Variants in MTARC1 observed in about 807,000 individuals in gnomAD.
MTARC1 encodes mitochondrial amidoxime-reducing component 1.
Under a neutral mutation model 33.6 loss-of-function variants are expected in MTARC1, and 24 were observed. The ratio of observed to expected loss-of-function variants is 0.72; its 90% CI spans 0.52 to 1.01. The LOEUF is 1.01. Ranked by LOEUF, MTARC1 falls within the 50% of genes least tolerant of loss-of-function variation. MTARC1 has a pLI of 0.00. For missense variants in MTARC1, 417 were observed against 445.7 expected (o/e 0.94, Z 0.58); for synonymous variants, 187 against 189.5 (o/e 0.99, Z 0.11).
At position 220,803,520 on chromosome 1, in the gene MTARC1, C is replaced by G. The variant is rs564533892; in HGVS notation, c.754-1532C>G. 6.6e-5 allele frequency among the ~76,000 whole-genome samples: 10 copies of G among 152,254 alleles called. No individual in the cohort carries two copies. The South Asian group carries it at 2.1e-3, about 32-fold the overall frequency. On this transcript the variant is annotated intron_variant, in intron 4 of 6. Transcript: ENST00000366910. Reference sequence around the variant, plus strand: ...AAAAGCCTGGATTAAAAGCCCCCTCCCCTGGGAAGCCTGCTCTGATTGCTG... The same window carrying G: ...AAAAGCCTGGATTAAAAGCCCCCTCGCCTGGGAAGCCTGCTCTGATTGCTG...
At chr1:220,800,901 C>G (rs1011948633) in intron 4 of MTARC1, among the ~76,000 whole-genome samples, 2 of 152,132 alleles carry the variant, frequency 1.3e-5, no homozygotes, top group African/African-American at 4.8e-5. Context: ...GGCCTTCCCC[C>G]CCACTCCCCT....
intron 6 of MTARC1, among the ~76,000 whole-genome samples, chr1:220,808,597 C>T (rs1370765679): frequency 6.6e-6 from 1 of 152,218 alleles, no homozygotes; most frequent in Non-Finnish European, 1.5e-5. Flanking sequence ...CACTTTCTGC[C>T]TCTGGGCACT....
intron 2 of MTARC1, among the ~76,000 whole-genome samples, chr1:220,792,981 C>T (rs1425225870): frequency 1.3e-5 from 2 of 151,944 alleles, no homozygotes; most frequent in South Asian, 4.1e-4. Flanking sequence ...TGGCATAAAT[C>T]TTTGTTTATA....
In MTARC1 at chr1:220,813,318, G is replaced by T. The variant is rs182186499; in HGVS notation, c.914G>T (p.Arg305Leu). The T allele has an allele frequency of 1.2e-6, 2 of 1,613,970 alleles. No individual in the cohort carries two copies. Among genetic ancestry groups the T allele is most frequent in the Admixed American group, 3.3e-5 (2 of 59,992 alleles). Residue 305 changes from arginine to leucine, a missense_variant, in exon 7 of 7, where the codon CGA (arginine) becomes CTA (leucine). Arg to Leu is a moderately radical substitution (Grantham distance 102, BLOSUM62 -2). Transcript: ENST00000366910. Reference protein sequence around the residue: ...KSYRQCDPSERKLYGKSPLFG... With the variant: ...KSYRQCDPSELKLYGKSPLFG... Reference sequence around the variant, plus strand: ...TATCGCCAGTGTGACCCTTCAGAACGAAAGTTATATGGAAAATCACCACTC... The same window carrying T: ...TATCGCCAGTGTGACCCTTCAGAACTAAAGTTATATGGAAAATCACCACTC...
At chr1:220,790,932 TG>T (rs1672400892) in intron 1 of MTARC1, 1 of 152,228 alleles carries the variant, frequency 6.6e-6, no homozygotes, top group Non-Finnish European at 1.5e-5. Flanking sequence ...AATTGCAGAA[TG>T]GACAGCACTG....
chr1:220,796,933 C>CAGT, intron 3 of MTARC1, 128 bp downstream of exon 3: 1 of 948,000 alleles, frequency 1.1e-6, no homozygotes, highest in African/African-American at 1.8e-5. Flanking sequence ...AGATCACAAG[C>CAGT]AGTAGGCAGA....
Position 220,801,484 on chromosome 1 carries a change from A to T in MTARC1, c.753+3470A>T, listed in dbSNP as rs545302062. On this transcript the variant is annotated intron_variant, in intron 4 of 6. Transcript: ENST00000366910. ...CCTAGGAGAGCCCCTGGTACATAGA[A>T]GGTGTGCACTAATTATCTGTTAAAT... is the stretch of plus-strand genomic sequence containing the variant. Among the ~76,000 whole-genome samples, 7 of 152,272 alleles carry T rather than the reference A, an allele frequency of 4.6e-5. No homozygotes were observed. In the East Asian group the frequency reaches 1.2e-3, roughly 25 times the overall value.
intron 2 of MTARC1, chr1:220,793,424 T>C (rs139394504): frequency 6.6e-6 from 1 of 152,318 alleles, no homozygotes; most frequent in East Asian, 1.9e-4. Flanking sequence ...TGCTTGCAAA[T>C]TGCAAAATGA....
At position 220,796,638 on chromosome 1, in the gene MTARC1, T is replaced by C; in HGVS notation, c.450-5T>C. 1 of 1,582,952 alleles carries C rather than the reference T, an allele frequency of 6.3e-7. No homozygotes were observed. Among genetic ancestry groups the C allele is most frequent in the Non-Finnish European group, 8.6e-7 (1 of 1,167,756 alleles). On this transcript the variant is annotated splice_polypyrimidine_tract_variant and splice_region_variant and intron_variant, in intron 2 of 6. Transcript: ENST00000366910. Reference sequence around the variant, plus strand: ...GTCTGCCCTTTGCTCCTGCTACCCCTGCAGAGTGCACGGCCTGGAGATAGA... The same window carrying C: ...GTCTGCCCTTTGCTCCTGCTACCCCCGCAGAGTGCACGGCCTGGAGATAGA...
chr1:220,809,473 C>T lies in MTARC1; in HGVS notation c.888-3819C>T, dbSNP rs538155692. Among the ~76,000 whole-genome samples the T allele has an allele frequency of 7.3e-5, 10 of 136,874 alleles. No homozygotes were observed. The South Asian group carries it at 1.2e-3, about 16-fold the overall frequency. The allele number at this position is 136,874 out of a possible 152,430, so 89.8% of individuals were successfully genotyped here. On this transcript the variant is annotated intron_variant, in intron 6 of 6. Coordinates refer to ENST00000366910, the MANE Select transcript of MTARC1 (RefSeq NM_022746.4). ...GTGGCACCTCTCCCAGGAACGTTCA[C>T]GATGCCGTCTAATTCTTCAATTTAA...
chr1:220,809,035 A>G, intron 6 of MTARC1: 2 of 423,480 alleles, frequency 4.7e-6, no homozygotes, highest in Non-Finnish European at 9.4e-6. Context: ...GACATTTGCC[A>G]GCAGCCACTT....
At chr1:220,798,897 C>T (rs1672702810) in intron 4 of MTARC1, 28 of 985,442 alleles carry the variant, frequency 2.8e-5, no homozygotes, top group Non-Finnish European at 3.3e-5. Flanking sequence ...TTATATTCTT[C>T]ACTTTTGCTG....
chr1:220,803,755 T>G (rs1003585091), intron 4 of MTARC1, among the ~76,000 whole-genome samples: 2 of 152,186 alleles, frequency 1.3e-5, no homozygotes, highest in Non-Finnish European at 2.9e-5. Flanking sequence ...TAACTTAATT[T>G]CCTAAGTGGA....
chr1:220,793,260 G>T (rs566157713), intron 2 of MTARC1: 1 of 151,996 alleles, frequency 6.6e-6, no homozygotes, highest in Admixed American at 6.6e-5. Flanking sequence ...TCCATGTCTT[G>T]ATTTGTGTTT....
At position 220,805,119 on chromosome 1, in the gene MTARC1, G is replaced by A; in HGVS notation, c.815+6G>A. 2 of 1,614,110 alleles carry A rather than the reference G, an allele frequency of 1.2e-6. No homozygotes were observed. Among genetic ancestry groups the A allele is most frequent in the Non-Finnish European group, 1.7e-6 (2 of 1,180,004 alleles). ...AGGGTGATGGCTTGTTCCAGGTAAG[G>A]TGCTTTCCTGTCCCTGTGGGGTGGA... On this transcript the variant is annotated splice_donor_region_variant and intron_variant, in intron 5 of 6. Transcript: ENST00000366910.
intron 6 of MTARC1, among the ~76,000 whole-genome samples, chr1:220,810,071 A>T (rs1390435038): frequency 6.6e-6 from 1 of 152,244 alleles, no homozygotes; most frequent in Non-Finnish European, 1.5e-5. Flanking sequence ...TTTAAGCTAA[A>T]TAAAGTGTCT....
chr1:220,808,584 C>T (rs1197279645), intron 6 of MTARC1, among the ~76,000 whole-genome samples: 1 of 152,228 alleles, frequency 6.6e-6, no homozygotes, highest in African/African-American at 2.4e-5. Context: ...CTCAGAGCTA[C>T]ACCACTTTCT....
At chr1:220,806,812 G>A (rs1672985785) in intron 6 of MTARC1, among the ~76,000 whole-genome samples, 1 of 152,194 alleles carries the variant, frequency 6.6e-6, no homozygotes, top group South Asian at 2.1e-4. Context: ...GTTAGCAGGT[G>A]GCCATGAGGG....
chr1:220,811,003 A>G lies in MTARC1; in HGVS notation c.888-2289A>G, dbSNP rs72472355. Among the ~76,000 whole-genome samples, 342 of 152,312 alleles carry G rather than the reference A, an allele frequency of 2.2e-3. 9 individuals are homozygous for G. The East Asian group carries it at 0.05, about 22-fold the overall frequency. On this transcript the variant is annotated intron_variant, in intron 6 of 6. Coordinates refer to ENST00000366910, the MANE Select transcript of MTARC1 (RefSeq NM_022746.4). ...AGAGAACATGTGTAAAGTTCCTTAT[A>G]AACTATCCATGTGTGATGCGCAGAA...
Sources: gnomAD v4.1 joint callset for allele counts (sites outside exome capture counted in the v4.1 genomes callset) on GRCh38, gnomAD v4.1.1 for gene constraint, MANE v1.5 for transcripts, NCBI Gene and HGNC (gene_info 2026-07-23, HGNC 2026-07-21) for gene names.